ASB7: variants seen among roughly 807,000 people sequenced by gnomAD.
ASB7 encodes the protein ankyrin repeat and SOCS box protein 7.
In ASB7, 4 loss-of-function variants were observed where a neutral mutation model predicts 32.5. The observed-to-expected ratio is 0.12, with a 90% CI of 0.06 to 0.28. ASB7 has a LOEUF of 0.28. ASB7 is among the 10% of genes least tolerant of loss of function. ASB7 has a pLI of 1.00. For synonymous variants in ASB7, 172 were observed against 155.6 expected, an observed-to-expected ratio of 1.11 and a Z score of -0.78; for missense variants, 181 against 407.1, an observed-to-expected ratio of 0.44 and a Z score of 4.78.
intron 5 of ASB7, chr15:100,646,423 TTTAAGGAGGTG>T: frequency 2.3e-6 from 1 of 426,028 alleles, no homozygotes; most frequent in Non-Finnish European, 4.8e-6. Context: ...CACAACTTCT[TTTAAGGAGGTG>T]TTCTCCCGTT....
At chr15:100,645,823 A>G in intron 5 of ASB7, 1 of 1,272,030 alleles carries the variant, frequency 7.9e-7, no homozygotes. Flanking sequence ...GCCAAACGCG[A>G]CATCCCACAC....
chr15:100,604,270 C>T (rs568247983), intron 2 of ASB7, among the ~76,000 whole-genome samples: 14 of 152,110 alleles, frequency 9.2e-5, no homozygotes, highest in Non-Finnish European at 2.1e-4. Flanking sequence ...TGAAAATGCT[C>T]TGAAAGTAAA....
chr15:100,603,164 C>T (rs1026226378), intron 1 of ASB7, 51 bp from the exon 2 acceptor site: 23 of 393,752 alleles, frequency 5.8e-5, no homozygotes, highest in Admixed American at 8.9e-5. Flanking sequence ...CTGAGCTCCC[C>T]CCTCCCCACC....
chr15:100,611,394 T>A (rs1208360154), intron 3 of ASB7, among the ~76,000 whole-genome samples: 1 of 151,742 alleles, frequency 6.6e-6, no homozygotes, highest in African/African-American at 2.4e-5. Flanking sequence ...CAGTCCTTTT[T>A]TGTGACCTAT....
chr15:100,604,429 C>G (rs1206931566), intron 2 of ASB7, among the ~76,000 whole-genome samples: 2 of 152,002 alleles, frequency 1.3e-5, no homozygotes, highest in African/African-American at 2.4e-5. Context: ...TTTTAATATC[C>G]CAAATTGTTT....
intron 4 of ASB7, among the ~76,000 whole-genome samples, chr15:100,622,369 A>G (rs1033719419): frequency 3.3e-5 from 5 of 152,250 alleles, no homozygotes; most frequent in East Asian, 1.9e-4. Context: ...TATTGTTAAA[A>G]TGACTCTTCT....
chr15:100,626,447 A>G (rs181158124), intron 4 of ASB7, among the ~76,000 whole-genome samples: 2 of 152,226 alleles, frequency 1.3e-5, no homozygotes, highest in Admixed American at 6.5e-5. Flanking sequence ...AAAATGACTA[A>G]TGATACCAAG....
At chr15:100,635,599 C>T (rs891080213) in intron 5 of ASB7, among the ~76,000 whole-genome samples, 7 of 152,160 alleles carry the variant, frequency 4.6e-5, no homozygotes, top group Admixed American at 2.6e-4. Flanking sequence ...TAAGCAGCCT[C>T]GTTGGAGAGA....
intron 5 of ASB7, among the ~76,000 whole-genome samples, chr15:100,641,874 G>C (rs146776056): frequency 1.3e-5 from 2 of 152,188 alleles, no homozygotes; most frequent in Non-Finnish European, 2.9e-5. Flanking sequence ...CTTGTAAAGC[G>C]TTTGAGGTGA....
rs1393190740 is a variant in ASB7, at chr15:100,612,211, G to C, written c.-6G>C. The C allele has an allele frequency of 6.8e-6, 11 of 1,610,258 alleles. No homozygotes were observed. Among genetic ancestry groups the C allele is most frequent in the Non-Finnish European group, 9.3e-6 (11 of 1,176,930 alleles). Reference sequence around the variant, plus strand: ...GAATCCTTTGTAAAAAGTGGACTCAGCTAGGATGTTACACCATCATTGTCG... The same window carrying C: ...GAATCCTTTGTAAAAAGTGGACTCACCTAGGATGTTACACCATCATTGTCG... On this transcript the variant is annotated 5_prime_UTR_variant, in exon 4 of 6. Coordinates refer to ENST00000332783, the MANE Select transcript of ASB7 (RefSeq NM_198243.3).
rs1483581515 is a variant in ASB7 at position 100,629,400 on chromosome 15, G to T, written c.212-37G>T. The T allele has an allele frequency of 2.0e-6, 3 of 1,535,652 alleles. No individual in the cohort carries two copies. The highest frequency in any genetic ancestry group is 2.7e-6 in the Non-Finnish European group (3 of 1,123,472). ...TGGTAATGTTTGTTGTTTTGTCTTG[G>T]AGTCTGCTAATACTTTCATTTTGGT... On this transcript the variant is annotated intron_variant, in intron 4 of 5. Coordinates refer to ENST00000332783, the MANE Select transcript of ASB7 (RefSeq NM_198243.3). This position sits in a 1 kb window ranked among gnomAD's most constrained non-coding sequence, Gnocchi z 6.8.
chr15:100,643,171 C>G (rs2039972910), intron 5 of ASB7, among the ~76,000 whole-genome samples: 1 of 152,162 alleles, frequency 6.6e-6, no homozygotes, highest in Non-Finnish European at 1.5e-5. Context: ...GCTAGGGCGT[C>G]TTGGTGGAAT....
At chr15:100,622,733 A>G (rs1567114349) in intron 4 of ASB7, among the ~76,000 whole-genome samples, 2 of 152,224 alleles carry the variant, frequency 1.3e-5, no homozygotes, top group African/African-American at 2.4e-5. Flanking sequence ...CTGGATATCC[A>G]TGTGCAGAAG....
intron 5 of ASB7, among the ~76,000 whole-genome samples, chr15:100,635,525 G>A (rs1250031716): frequency 1.3e-5 from 2 of 152,188 alleles, no homozygotes; most frequent in Non-Finnish European, 2.9e-5. Flanking sequence ...AGCTGTAGGT[G>A]CCAGAGGGTT....
intron 5 of ASB7, chr15:100,646,099 A>G: frequency 2.5e-6 from 1 of 399,388 alleles, no homozygotes. Context: ...TGTGGAATCT[A>G]CACTTGGGCA....
chr15:100,633,989 T>G (rs947159318), intron 5 of ASB7, among the ~76,000 whole-genome samples: 22 of 152,190 alleles, frequency 1.4e-4, no homozygotes, highest in African/African-American at 5.3e-4. Flanking sequence ...TGTGGGAATG[T>G]TTGCCCCATT....
rs1050070519 is a variant in ASB7, at chr15:100,630,204, A to G, written c.817+162A>G. ...CTTCTGAAATAAAAAAAAAACTTTG[A>G]CTGTATCACAAGATTTCATAAAAAT... On this transcript the variant is annotated intron_variant, in intron 5 of 5. Coordinates refer to ENST00000332783, the MANE Select transcript of ASB7 (RefSeq NM_198243.3). 3.7e-6 allele frequency: 5 copies of G among 1,341,058 alleles called. No homozygotes were observed. In the East Asian group the frequency reaches 1.1e-4, roughly 29 times the overall value. The allele number at this position is 1,341,058 out of a possible 1,614,324, so 83.1% of individuals were successfully genotyped here. A position where few individuals can be genotyped will look rare whatever the true frequency, so the allele number is the denominator to read the frequency against.
At chr15:100,641,611 TTTCTACCAG>T (rs965431908) in intron 5 of ASB7, among the ~76,000 whole-genome samples, 8 of 152,244 alleles carry the variant, frequency 5.3e-5, no homozygotes, top group Non-Finnish European at 1.0e-4. Context: ...CAGAATGTGA[TTTCTACCAG>T]TTTGCTCAGG....
chr15:100,629,425 T>C lies in ASB7; in HGVS notation c.212-12T>C, dbSNP rs2141399737. The C allele has an allele frequency of 9.4e-6, 15 of 1,595,092 alleles. No homozygotes were observed. The highest frequency in any genetic ancestry group is 1.3e-5 in the Non-Finnish European group (15 of 1,166,764). Reference sequence around the variant, plus strand: ...GAGTCTGCTAATACTTTCATTTTGGTTTTAACTCCAGCTGATCCTACAGTT... The same window carrying C: ...GAGTCTGCTAATACTTTCATTTTGGCTTTAACTCCAGCTGATCCTACAGTT... On this transcript the variant is annotated splice_polypyrimidine_tract_variant and intron_variant, in intron 4 of 5. Coordinates refer to ENST00000332783, the MANE Select transcript of ASB7 (RefSeq NM_198243.3). This position sits in a 1 kb window ranked among gnomAD's most constrained non-coding sequence, Gnocchi z 6.8.
Sources: gnomAD v4.1 joint callset for allele counts (sites outside exome capture counted in the v4.1 genomes callset) on GRCh38, gnomAD v4.1.1 for gene constraint, Gnocchi (gnomAD v3.1) non-coding constraint, MANE v1.5 for transcripts, NCBI Gene and HGNC (gene_info 2026-07-23, HGNC 2026-07-21) for gene names.